ABCA13: variants seen among roughly 807,000 people sequenced by gnomAD.
ABCA13 encodes ATP binding cassette subfamily A member 13, also known as ATP-binding cassette sub-family A member 13.
A neutral mutation model predicts 478.7 loss-of-function variants in ABCA13; 476 were observed. The observed-to-expected ratio is 0.99, with a 90% CI of 0.92 to 1.07. ABCA13 has a LOEUF of 1.07. ABCA13 is among the 50% of genes least tolerant of loss of function. The pLI is 0.00. For missense variants in ABCA13, 6,060 were observed against 5,910.6 expected, an observed-to-expected ratio of 1.03 and a Z score of -0.83; for synonymous variants, 2,252 against 2,158.9, an observed-to-expected ratio of 1.04 and a Z score of -1.20.
At chr7:48,230,057 T>G in intron 7 of ABCA13, 102 bp downstream of exon 7, 1 of 1,330,408 alleles carries the variant, frequency 7.5e-7, no homozygotes, top group African/African-American at 1.5e-5. Flanking sequence ...ATGATTTAAT[T>G]AAAATTTCAA....
At chr7:48,221,697 G>T (rs1787385476) in intron 5 of ABCA13, among the ~76,000 whole-genome samples, 1 of 152,214 alleles carries the variant, frequency 6.6e-6, no homozygotes, top group Non-Finnish European at 1.5e-5. Flanking sequence ...CAACAGGGGG[G>T]ATTTTGACCT....
intron 55 of ABCA13, among the ~76,000 whole-genome samples, chr7:48,568,987 T>A (rs1310144193): frequency 6.6e-6 from 1 of 152,004 alleles, no homozygotes; most frequent in Non-Finnish European, 1.5e-5. Flanking sequence ...TATTTCTTAT[T>A]TTAGTAATTT....
At chr7:48,578,839 T>C (rs11768618) in intron 55 of ABCA13, among the ~76,000 whole-genome samples, 225 of 152,284 alleles carry the variant, frequency 1.5e-3, no homozygotes, top group Non-Finnish European at 2.2e-3. Flanking sequence ...CCCACATCAA[T>C]ACAGTCAACT....
chr7:48,460,382 GTGTCTC>G (rs1416768689), intron 43 of ABCA13, among the ~76,000 whole-genome samples: 1 of 152,174 alleles, frequency 6.6e-6, no homozygotes, highest in African/African-American at 2.4e-5. Context: ...ATCCTTCCTT[GTGTCTC>G]TAGCTTCAGT....
chr7:48,387,248 C>T (rs1815335604), intron 35 of ABCA13, among the ~76,000 whole-genome samples: 1 of 151,994 alleles, frequency 6.6e-6, no homozygotes, highest in African/African-American at 2.4e-5. Context: ...AATGAAATCC[C>T]TTTTCATTTC....
In ABCA13 at chr7:48,241,062, A is replaced by G; in HGVS notation, c.1258A>G (p.Lys420Glu). The G allele has an allele frequency of 6.2e-7, 1 of 1,613,980 alleles. No homozygotes were observed. Among genetic ancestry groups the G allele is most frequent in the African/African-American group, 1.3e-5 (1 of 75,054 alleles). The stretch of plus-strand genomic sequence containing the variant: ...CCCAAAAGATAATCATACATTTCCA[A>G]AGATGTAAGTCGCATTTCCCTGTTT... ...DGPKDNHTFP[K>E]ILQHLWKLQS... The change falls in exon 10 of 62, where the codon AAG (lysine) becomes GAG (glutamate). Residue 420 changes from lysine to glutamate, a missense_variant. Transcript: ENST00000435803.
intron 3 of ABCA13, among the ~76,000 whole-genome samples, chr7:48,214,497 C>A (rs2128951351): frequency 6.6e-6 from 1 of 152,332 alleles, no homozygotes; most frequent in East Asian, 1.9e-4. Flanking sequence ...TCCTAGATAG[C>A]ATCTTCCAAT....
chr7:48,259,551 A>G (rs60913257), intron 15 of ABCA13, among the ~76,000 whole-genome samples: 19,165 of 151,860 alleles, frequency 0.13, 1,240 homozygotes, highest in South Asian at 0.18. Flanking sequence ...TCTTTATCCA[A>G]CTTCCACTTT....
intron 58 of ABCA13, among the ~76,000 whole-genome samples, chr7:48,605,680 A>G (rs1791395927): frequency 6.6e-6 from 1 of 151,952 alleles, no homozygotes; most frequent in Non-Finnish European, 1.5e-5. Context: ...GAATCTGATG[A>G]TTATGTGTCT....
At chr7:48,289,989 AG>A (rs1252914292) in intron 20 of ABCA13, among the ~76,000 whole-genome samples, 2 of 152,244 alleles carry the variant, frequency 1.3e-5, no homozygotes, top group African/African-American at 2.4e-5. Context: ...ATGGGCAAAA[AG>A]CACAATGCCA....
intron 42 of ABCA13, among the ~76,000 whole-genome samples, chr7:48,438,572 C>CT (rs35140370): frequency 3.7e-4 from 54 of 147,312 alleles, no homozygotes; most frequent in Middle Eastern, 3.5e-3. Context: ...CATACTCAGC[C>CT]TTTTTTTTTT....
chr7:48,246,126 A>G, intron 13 of ABCA13, 96 bp downstream of exon 13: 1 of 1,372,834 alleles, frequency 7.3e-7, no homozygotes, highest in Non-Finnish European at 9.8e-7. Flanking sequence ...CGATGAGGAA[A>G]GTTTTGCCGT....
chr7:48,272,775 T>G lies in ABCA13; in HGVS notation c.3109T>G (p.Phe1037Val). ...TTACTGTCAGCAATTGCTTTCAATTTTTAACTTTTTGGAGCTTCAGGCCCA... is the reference window on the plus strand; with the variant it reads ...TTACTGTCAGCAATTGCTTTCAATTGTTAACTTTTTGGAGCTTCAGGCCCA... Reference protein sequence around the residue: ...VSYCQQLLSIFNFLELQAQSF... With the variant: ...VSYCQQLLSIVNFLELQAQSF... The change falls in exon 17 of 62, where the codon TTT becomes GTT. Residue 1037 changes from phenylalanine (F) to valine (V), a missense_variant. Phe to Val is a conservative substitution (Grantham distance 50). Coordinates refer to ENST00000435803, the MANE Select transcript of ABCA13 (RefSeq NM_152701.5). The G allele has an allele frequency of 6.2e-7, 1 of 1,606,092 alleles. No homozygotes were observed. Among genetic ancestry groups the G allele is most frequent in the Non-Finnish European group, 8.5e-7 (1 of 1,175,244 alleles).
rs1173488144 is a variant in ABCA13, at chr7:48,250,689, T to C, written c.2005+1338T>C. Among the ~76,000 whole-genome samples, 3 of 152,200 alleles carry C rather than the reference T, an allele frequency of 2.0e-5. No homozygotes were observed. The East Asian group carries it at 5.8e-4, about 29-fold the overall frequency. ...AATATAAATATTACAAACTCATAAC[T>C]GTATGATTCACAGGGAGTCCTCCTG... On this transcript the variant is annotated intron_variant, in intron 15 of 61. Coordinates refer to ENST00000435803, the MANE Select transcript of ABCA13 (RefSeq NM_152701.5).
chr7:48,532,154 A>G (rs1399513224), intron 55 of ABCA13, among the ~76,000 whole-genome samples: 2 of 151,830 alleles, frequency 1.3e-5, no homozygotes, highest in Non-Finnish European at 2.9e-5. Flanking sequence ...ATGGCTTTTA[A>G]TACCTTAAGT....
Position 48,246,007 on chromosome 7 carries a change from C to A in ABCA13, c.1636C>A (p.Leu546Ile), listed in dbSNP as rs781089448. 4 of 1,613,542 alleles carry A rather than the reference C, an allele frequency of 2.5e-6. No individual in the cohort carries two copies. Among genetic ancestry groups the A allele is most frequent in the Non-Finnish European group, 3.4e-6 (4 of 1,179,732 alleles). Residue 546 changes from leucine to isoleucine, a missense_variant, in exon 13 of 62, where the codon CTA becomes ATA. By Grantham distance (5) the Leu-to-Ile change is conservative. Coordinates refer to ENST00000435803, the MANE Select transcript of ABCA13 (RefSeq NM_152701.5). The stretch of plus-strand genomic sequence containing the variant: ...CTCTGAGACGAGTGTTTTAAACAAG[C>A]TACTTGGTTCAGTAGAGGATGCTGT... Reference protein sequence around the residue: ...NSSETSVLNKLLGSVEDADRI... With the variant: ...NSSETSVLNKILGSVEDADRI...
chr7:48,507,963 G>T lies in ABCA13; in HGVS notation c.13438G>T (p.Asp4480Tyr). 2 of 1,613,786 alleles carry T rather than the reference G, an allele frequency of 1.2e-6. No individual in the cohort carries two copies. The highest frequency in any genetic ancestry group is 1.3e-5 in the African/African-American group (1 of 75,050). ...ATCCATCGGCAGCTCTGTGGTGAGG[G>T]ACAGGGTGATTGGAGCCAAAAGGTT... ...SASIGSSVVR[D>Y]RVIGAKRLQH... The change falls in exon 50 of 62, where the codon GAC becomes TAC. Residue 4480 changes from aspartate (D) to tyrosine (Y), a missense_variant. Coordinates refer to ENST00000435803, the MANE Select transcript of ABCA13 (RefSeq NM_152701.5).
Position 48,561,197 on chromosome 7 carries a change from A to G in ABCA13, c.14355-19027A>G, listed in dbSNP as rs560856802. Reference sequence around the variant, plus strand: ...CTTAGCTATTGTGAATAGCGCTGCAATGAACATGGGACTACAGCTAACTCT... The same window carrying G: ...CTTAGCTATTGTGAATAGCGCTGCAGTGAACATGGGACTACAGCTAACTCT... On this transcript the variant is annotated intron_variant, in intron 55 of 61. Transcript: ENST00000435803. 2.0e-5 allele frequency among the ~76,000 whole-genome samples: 3 copies of G among 152,266 alleles called. No homozygotes were observed. The South Asian group carries it at 6.2e-4, about 32-fold the overall frequency.
intron 42 of ABCA13, among the ~76,000 whole-genome samples, chr7:48,454,084 G>A (rs1301236387): frequency 1.3e-5 from 2 of 152,184 alleles, no homozygotes; most frequent in Non-Finnish European, 2.9e-5. Context: ...AATCCGTTTA[G>A]TACATCTGTT....
Sources: allele counts gnomAD v4.1 joint callset (sites outside exome capture counted in the v4.1 genomes callset), GRCh38; gene constraint gnomAD v4.1.1; transcripts MANE v1.5; gene names NCBI Gene and HGNC (gene_info 2026-07-23, HGNC 2026-07-21).